Variants in RESF1 observed in about 807,000 individuals in gnomAD.
RESF1 encodes the protein gonad expressed transcript.
A neutral mutation model predicts 134.7 loss-of-function variants in RESF1; 65 were observed. The ratio of observed to expected loss-of-function variants is 0.48; its 90% confidence interval spans 0.40 to 0.59. The LOEUF (loss-of-function observed/expected upper bound fraction) is 0.59, where lower values mean the gene tolerates loss of function less well. RESF1 is among the 20% of genes least tolerant of loss of function. The pLI, the probability that RESF1 is intolerant of heterozygous loss-of-function variation, is 0.00. For missense variants in RESF1, 2,274 were observed against 2,002.7 expected (o/e 1.14, Z -2.59); for synonymous variants, 762 against 702.2 (o/e 1.09, Z -1.35).
chr12:31,987,870 G>A (rs1333733758), intron 5 of RESF1, among the ~76,000 whole-genome samples: 1 of 152,036 alleles, frequency 6.6e-6, no homozygotes, highest in Non-Finnish European at 1.5e-5. Flanking sequence ...AAGTAGCTGG[G>A]ACTGCAGTTG....
At chr12:31,980,799 G>A in intron 3 of RESF1, 79 bp from the exon 4 acceptor site, 1 of 580,546 alleles carries the variant, frequency 1.7e-6, no homozygotes, top group Non-Finnish European at 3.0e-6. Flanking sequence ...TAATTAGGAT[G>A]GACAGTCAGC....
intron 2 of RESF1, among the ~76,000 whole-genome samples, chr12:31,961,150 T>G (rs1056807664): frequency 1.3e-5 from 2 of 152,168 alleles, no homozygotes; most frequent in African/African-American, 4.8e-5. Context: ...GAGGTCTGCT[T>G]CTGTCTGTGC....
In RESF1 at chr12:31,980,932, C is replaced by T. The variant is rs142323675; in HGVS notation, c.-24C>T. ...ACTGACTTATAACTGACTTGTAATA[C>T]ACTGCTACTATATCAAACCGACAAT... On this transcript the variant is annotated 5_prime_UTR_variant, in exon 4 of 6. Transcript: ENST00000312561. 157 of 1,533,718 alleles carry T rather than the reference C, an allele frequency of 1.0e-4. No homozygotes were observed. In the African/African-American group the frequency reaches 1.9e-3, roughly 18 times the overall value.
At chr12:31,991,132 A>G (rs1440334572) in intron 5 of RESF1, among the ~76,000 whole-genome samples, 1 of 151,226 alleles carries the variant, frequency 6.6e-6, no homozygotes, top group Admixed American at 6.6e-5. Flanking sequence ...CCAGGAGTTG[A>G]GGCTGCAATA....
intron 4 of RESF1, among the ~76,000 whole-genome samples, chr12:31,986,467 GC>G (rs1236676641): frequency 1.1e-4 from 17 of 152,274 alleles, no homozygotes; most frequent in Non-Finnish European, 1.8e-4. Context: ...ACAGTTGATG[GC>G]TGTGTTATCA....
In RESF1 at chr12:31,984,220, A is replaced by C; in HGVS notation, c.3265A>C (p.Thr1089Pro). Residue 1089 changes from threonine (T) to proline (P), a missense_variant, in exon 4 of 6, where the codon ACT (threonine) becomes CCT (proline). Thr to Pro is a conservative substitution (Grantham distance 38, BLOSUM62 -1). Transcript: ENST00000312561. ...TACATACCAGACCTCAGAAGATCAA[A>C]CTGCTGATAAAACCAGTTCTGACTC... is the stretch of plus-strand genomic sequence containing the variant. ...QTTYQTSEDQTADKTSSDSKD... is the reference protein window; with the variant it reads ...QTTYQTSEDQPADKTSSDSKD... The C allele has an allele frequency of 6.2e-7, 1 of 1,614,056 alleles. No individual in the cohort carries two copies. Among genetic ancestry groups the C allele is most frequent in the Non-Finnish European group, 8.5e-7 (1 of 1,180,000 alleles).
chr12:31,965,921 G>A (rs1449561812), intron 2 of RESF1, among the ~76,000 whole-genome samples: 1 of 149,542 alleles, frequency 6.7e-6, no homozygotes, highest in Non-Finnish European at 1.5e-5. Flanking sequence ...GTGATACTTC[G>A]AATACAGTTT....
intron 5 of RESF1, among the ~76,000 whole-genome samples, chr12:31,989,320 C>T (rs1940045616): frequency 2.1e-5 from 3 of 145,846 alleles, no homozygotes; most frequent in Non-Finnish European, 4.5e-5. Flanking sequence ...GGCATGAACC[C>T]AGGAGGCGGA....
rs1308503065 is a variant in RESF1 at position 31,982,034 on chromosome 12, G to C, written c.1079G>C (p.Gly360Ala). Residue 360 changes from glycine to alanine, a missense_variant, in exon 4 of 6, where the codon GGT becomes GCT. Gly to Ala is a moderately conservative substitution (Grantham distance 60). Transcript: ENST00000312561. ...AGTCCCATTAGATCTTCTGTGGATG[G>C]TGTTCAGACTCTTGCTCAAACTAAT... The part of the protein sequence containing the change: ...FNSPIRSSVD[G>A]VQTLAQTNEE... The C allele has an allele frequency of 1.9e-6, 3 of 1,614,132 alleles. No homozygotes were observed. In the South Asian group the frequency reaches 3.3e-5, roughly 18 times the overall value.
chr12:31,974,027 G>T (rs1015031608), intron 3 of RESF1, among the ~76,000 whole-genome samples: 1 of 151,966 alleles, frequency 6.6e-6, no homozygotes, highest in African/African-American at 2.4e-5. Flanking sequence ...GACTCCCTCC[G>T]TGGATTTGAT....
At chr12:31,990,011 G>A (rs1418749758) in intron 5 of RESF1, among the ~76,000 whole-genome samples, 1 of 152,164 alleles carries the variant, frequency 6.6e-6, no homozygotes, top group Non-Finnish European at 1.5e-5. Flanking sequence ...CGGGTTGGAA[G>A]GCAGAAAGCC....
chr12:31,982,238 A>G lies in RESF1; in HGVS notation c.1283A>G (p.Lys428Arg), dbSNP rs1188624560. The G allele has an allele frequency of 3.1e-6, 5 of 1,613,396 alleles. No individual in the cohort carries two copies. The Admixed American group carries it at 8.3e-5, about 27-fold the overall frequency. ...CTTTTGATGGCAGCAGGTTGTATTA[A>G]AATGACTAATACTTCTTATAGTGAA... ...KDLLMAAGCI[K>R]MTNTSYSEPA... The change falls in exon 4 of 6, where the codon AAA becomes AGA. Residue 428 changes from lysine (K) to arginine (R), a missense_variant. Transcript: ENST00000312561.
Position 31,971,799 on chromosome 12 carries a change from C to T in RESF1, c.-79+1443C>T, listed in dbSNP as rs556997840. ...AAGGGTTGGGACTTTTCAGCCCTACCCCTAATTCCTGGTACCAATTGTCTA... is the reference window on the plus strand; with the variant it reads ...AAGGGTTGGGACTTTTCAGCCCTACTCCTAATTCCTGGTACCAATTGTCTA... On this transcript the variant is annotated intron_variant, in intron 3 of 5. Coordinates refer to ENST00000312561, the MANE Select transcript of RESF1 (RefSeq NM_018169.4). Among the ~76,000 whole-genome samples the T allele has an allele frequency of 1.6e-4, 25 of 152,252 alleles. No homozygotes were observed. The South Asian group carries it at 5.0e-3, about 30-fold the overall frequency.
At chr12:31,980,038 A>G (rs1939739581) in intron 3 of RESF1, among the ~76,000 whole-genome samples, 1 of 151,816 alleles carries the variant, frequency 6.6e-6, no homozygotes, top group Admixed American at 6.6e-5. Flanking sequence ...GTATGTGCAT[A>G]CAGAGTTCAT....
intron 2 of RESF1, among the ~76,000 whole-genome samples, chr12:31,967,975 G>T (rs542975307): frequency 3.9e-5 from 6 of 152,290 alleles, no homozygotes; most frequent in Non-Finnish European, 8.8e-5. Flanking sequence ...TGTGACTAAG[G>T]TGACAGAAAG....
At chr12:31,991,462 C>G (rs1446677218) in intron 5 of RESF1, among the ~76,000 whole-genome samples, 1 of 152,132 alleles carries the variant, frequency 6.6e-6, no homozygotes, top group Non-Finnish European at 1.5e-5. Flanking sequence ...AACAAGACCC[C>G]ATTATTCAGA....
intron 2 of RESF1, among the ~76,000 whole-genome samples, chr12:31,968,480 ACT>A (rs1939444585): frequency 7.0e-6 from 1 of 143,088 alleles, no homozygotes; most frequent in Non-Finnish European, 1.5e-5. Context: ...ACGGAGTCTC[ACT>A]CTTTCGCCCA....
At chr12:31,987,909 A>G (rs1399092900) in intron 5 of RESF1, among the ~76,000 whole-genome samples, 1 of 151,880 alleles carries the variant, frequency 6.6e-6, no homozygotes, top group African/African-American at 2.4e-5. Context: ...TAATTTTTGT[A>G]TTTTTAGTAG....
At chr12:31,967,645 T>A (rs1592251080) in intron 2 of RESF1, among the ~76,000 whole-genome samples, 1 of 22,928 alleles carries the variant, frequency 4.4e-5, no homozygotes, top group African/African-American at 1.8e-4. Context: ...AACACCAGCC[T>A]GCCTCCGCAG....
Sources: gnomAD v4.1 joint callset for allele counts (sites outside exome capture counted in the v4.1 genomes callset) on GRCh38, gnomAD v4.1.1 for gene constraint, MANE v1.5 for transcripts, NCBI Gene and HGNC (gene_info 2026-07-23, HGNC 2026-07-21) for gene names.